PPFIBP2: variants seen among roughly 807,000 people sequenced by gnomAD.
The protein encoded by PPFIBP2 is PPFIB scaffold protein 2.
A neutral mutation model predicts 118.3 loss-of-function variants in PPFIBP2; 118 were observed. That is an observed-to-expected ratio of 1.00 (90% CI 0.86 to 1.16). The LOEUF (loss-of-function observed/expected upper bound fraction) is 1.16. Among genes scored for constraint, PPFIBP2 ranks in the 50% most tolerant of loss-of-function variants. The pLI is 0.00. For missense variants in PPFIBP2, 1,195 were observed against 1,073.1 expected (o/e 1.11, Z -1.59); for synonymous variants, 414 against 397.4 (o/e 1.04, Z -0.50).
intron 3 of PPFIBP2, among the ~76,000 whole-genome samples, chr11:7,587,582 C>T (rs547470098): frequency 1.3e-5 from 2 of 152,304 alleles, no homozygotes; most frequent in African/African-American, 2.4e-5. Context: ...CAGCGTGCAC[C>T]GGGGATGAGA....
intron 2 of PPFIBP2, among the ~76,000 whole-genome samples, chr11:7,553,807 T>C (rs1480165708): frequency 6.6e-6 from 1 of 152,222 alleles, no homozygotes; most frequent in African/African-American, 2.4e-5. Flanking sequence ...GAGATTTGAT[T>C]CCAGGGCCAT....
intron 1 of PPFIBP2, chr11:7,548,203 G>C (rs1380268461): frequency 6.6e-6 from 1 of 152,520 alleles, no homozygotes; most frequent in African/African-American, 2.4e-5. Context: ...TCTGACTTTG[G>C]AGCCTGTGGA....
At chr11:7,530,234 G>A (rs1850573577) in intron 1 of PPFIBP2, among the ~76,000 whole-genome samples, 3 of 152,170 alleles carry the variant, frequency 2.0e-5, no homozygotes, top group Admixed American at 1.3e-4. Context: ...GACTAACCCT[G>A]TGTAAGGCAG....
At chr11:7,649,813 C>T (rs1450843030) in intron 21 of PPFIBP2, among the ~76,000 whole-genome samples, 159 bp downstream of exon 21, 7 of 152,338 alleles carry the variant, frequency 4.6e-5, no homozygotes, top group Admixed American at 3.3e-4. Flanking sequence ...CCCAAACATC[C>T]GTTACCTGCA....
chr11:7,596,182 C>T (rs1270510064), intron 4 of PPFIBP2, among the ~76,000 whole-genome samples: 1 of 152,118 alleles, frequency 6.6e-6, no homozygotes, highest in East Asian at 1.9e-4. Context: ...AAATGTTTAA[C>T]CCTCATAATA....
chr11:7,514,930 T>G (rs1849103298), intron 1 of PPFIBP2, among the ~76,000 whole-genome samples: 1 of 152,252 alleles, frequency 6.6e-6, no homozygotes, highest in Non-Finnish European at 1.5e-5. Context: ...TTTGGTCTAC[T>G]TCCTGTCTTT....
chr11:7,535,947 C>A (rs149645608), intron 1 of PPFIBP2, among the ~76,000 whole-genome samples: 1 of 152,076 alleles, frequency 6.6e-6, no homozygotes, highest in Non-Finnish European at 1.5e-5. Flanking sequence ...ACCCGGAGAG[C>A]GCTTCTCCCA....
intron 5 of PPFIBP2, chr11:7,605,656 A>G: frequency 1.7e-6 from 2 of 1,201,986 alleles, no homozygotes; most frequent in Non-Finnish European, 2.1e-6. Flanking sequence ...CTCAAGGTAC[A>G]GAGTTGATAA....
chr11:7,634,443 A>G, intron 12 of PPFIBP2, 52 bp from the exon 13 acceptor site: 2 of 1,403,772 alleles, frequency 1.4e-6, no homozygotes, highest in Non-Finnish European at 1.0e-6. Flanking sequence ...TGCATGAGTG[A>G]TAACATGTAC....
intron 10 of PPFIBP2, 25 bp downstream of exon 10, chr11:7,629,559 T>A (rs1850484043): frequency 6.2e-7 from 1 of 1,608,984 alleles, no homozygotes; most frequent in East Asian, 2.2e-5. Context: ...GATCCTACCG[T>A]TGTCTCTGAA....
Position 7,653,529 on chromosome 11 carries a change from G to A in PPFIBP2, c.*311G>A. On this transcript the variant is annotated 3_prime_UTR_variant, in exon 24 of 24. Coordinates refer to ENST00000299492, the MANE Select transcript of PPFIBP2 (RefSeq NM_003621.5). ...CCAGTGGAAACACATGAACTTCGAT[G>A]CAGGTCCAGAGACCATGGACACTCC... 3 of 1,340,960 alleles carry A rather than the reference G, an allele frequency of 2.2e-6. No individual in the cohort carries two copies. The highest frequency in any genetic ancestry group is 2.9e-6 in the Non-Finnish European group (3 of 1,023,010). The allele number at this position is 1,340,960 out of a possible 1,614,324, so 83.1% of individuals were successfully genotyped here. A position where few individuals can be genotyped will look rare whatever the true frequency, so the allele number is the denominator to read the frequency against.
At chr11:7,537,430 C>T (rs1253232451) in intron 1 of PPFIBP2, among the ~76,000 whole-genome samples, 1 of 152,222 alleles carries the variant, frequency 6.6e-6, no homozygotes, top group South Asian at 2.1e-4. Flanking sequence ...GGATATTGCA[C>T]AGGCTCGAAA....
intron 17 of PPFIBP2, among the ~76,000 whole-genome samples, chr11:7,643,692 T>TGA (rs1172728336): frequency 5.3e-5 from 8 of 152,234 alleles, no homozygotes; most frequent in Admixed American, 2.0e-4. Context: ...CTGGTGATAT[T>TGA]TATAATTTCT....
chr11:7,515,808 G>C (rs2134209701), intron 1 of PPFIBP2, among the ~76,000 whole-genome samples: 1 of 152,318 alleles, frequency 6.6e-6, no homozygotes, highest in South Asian at 2.1e-4. Context: ...CTTGGTCCTT[G>C]ACCCTCCCAA....
intron 11 of PPFIBP2, chr11:7,632,626 A>G: frequency 2.3e-6 from 1 of 435,108 alleles, no homozygotes; most frequent in Middle Eastern, 6.9e-4. Context: ...CTACTGGGAT[A>G]TGAACATGAT....
chr11:7,565,901 C>T lies in PPFIBP2; in HGVS notation c.279+134C>T, dbSNP rs112924922. On this transcript the variant is annotated intron_variant, in intron 3 of 23. Transcript: ENST00000299492. ...TTTTCTTCCATCCCACTTTGGCCAA[C>T]GCTGCAGGGTGGCCCTTCTTATCAA... 9.9e-5 allele frequency: 96 copies of T among 973,458 alleles called. 1 individual carries two copies. In the South Asian group the frequency reaches 1.0e-3, roughly 11 times the overall value. 60.3% of individuals were successfully genotyped at this position (973,458 alleles called of 1,614,324 possible). A position where few individuals can be genotyped will look rare whatever the true frequency, so the allele number is the denominator to read the frequency against.
At position 7,616,682 on chromosome 11, in the gene PPFIBP2, C is replaced by G. The variant is rs990026169; in HGVS notation, c.619-4253C>G. Among the ~76,000 whole-genome samples, 1 of 152,002 alleles carries G rather than the reference C, an allele frequency of 6.6e-6. No homozygotes were observed. The highest frequency in any genetic ancestry group is 2.4e-5 in the African/African-American group (1 of 41,380). ...ATAAGTGTGATGTGTGCCATATGTC[C>G]CCTGTGCATAGGTGCTGACACGTTG... On this transcript the variant is annotated intron_variant, in intron 6 of 23. Coordinates refer to ENST00000299492, the MANE Select transcript of PPFIBP2 (RefSeq NM_003621.5). This position sits in a 1 kb window ranked among gnomAD's most constrained non-coding sequence, Gnocchi z 5.2.
chr11:7,655,742 A>T (rs1854624876), downstream of PPFIBP2, among the ~76,000 whole-genome samples: 1 of 152,044 alleles, frequency 6.6e-6, no homozygotes, highest in South Asian at 2.1e-4. Context: ...TGTTAGCCAA[A>T]GCCAGCTAAA....
chr11:7,580,540 T>C (rs1005252064), intron 3 of PPFIBP2, among the ~76,000 whole-genome samples: 1 of 152,134 alleles, frequency 6.6e-6, no homozygotes, highest in Admixed American at 6.5e-5. Flanking sequence ...GGCATGGAGC[T>C]GGAGGGGAAA....
Sources: gnomAD v4.1 joint callset for allele counts (sites outside exome capture counted in the v4.1 genomes callset) on GRCh38, gnomAD v4.1.1 for gene constraint, Gnocchi (gnomAD v3.1) non-coding constraint, MANE v1.5 for transcripts, NCBI Gene and HGNC (gene_info 2026-07-23, HGNC 2026-07-21) for gene names.